TP63: variants seen among roughly 807,000 people sequenced by gnomAD.
TP63 encodes the protein tumor protein 63.
TP63 carries 17 observed loss-of-function variants against 82.8 expected under a neutral mutation model. The ratio of observed to expected loss-of-function variants is 0.21; its 90% CI spans 0.14 to 0.31. TP63 has a LOEUF of 0.31. TP63 is among the 10% of genes least tolerant of loss of function. The pLI, the probability that TP63 is intolerant of heterozygous loss-of-function variation, is 1.00. For missense variants in TP63, 648 were observed against 895.3 expected (o/e 0.72, Z 3.52); for synonymous variants, 330 against 321.7 (o/e 1.03, Z -0.28).
chr3:189,666,087 ATACT>A (rs1187619942), intron 1 of TP63, among the ~76,000 whole-genome samples: 1 of 152,064 alleles, frequency 6.6e-6, no homozygotes, highest in Non-Finnish European at 1.5e-5. Context: ...AGTTATTCAA[ATACT>A]TACTTAGGCC....
At chr3:189,647,420 C>A (rs191025557) in intron 1 of TP63, among the ~76,000 whole-genome samples, 1 of 147,002 alleles carries the variant, frequency 6.8e-6, no homozygotes, top group Admixed American at 6.7e-5. Context: ...TGACCAAAGT[C>A]ACTAAATATG....
rs563237872 is a variant in TP63 at position 189,655,047 on chromosome 3, G to A, written c.62+23470G>A. ...TCTTGATCATCGGTTAGAAAGAAAC[G>A]CCATAATTAATCTCTTTATGGACTC... On this transcript the variant is annotated intron_variant, in intron 1 of 13. Transcript: ENST00000264731. Among the ~76,000 whole-genome samples, 60 of 152,212 alleles carry A rather than the reference G, an allele frequency of 3.9e-4. 1 individual carries two copies. The highest frequency in any genetic ancestry group is 7.5e-4 in the African/African-American group (31 of 41,552).
chr3:189,603,783 A>G, the TP63 span, among the ~76,000 whole-genome samples: 1 of 151,924 alleles, frequency 6.6e-6, no homozygotes, highest in Admixed American at 6.6e-5. Flanking sequence ...TACTGTAAGA[A>G]AAGTATATAC....
chr3:189,686,817 G>A lies in TP63; in HGVS notation c.63-50923G>A, dbSNP rs1010899993. ...ACAATCTCAGCTCACTGCAACCTCT[G>A]CCACCCAGGTTCAAGCGATTCTCCT... On this transcript the variant is annotated intron_variant, in intron 1 of 13. Coordinates refer to ENST00000264731, the MANE Select transcript of TP63 (RefSeq NM_003722.5). 4.7e-5 allele frequency among the ~76,000 whole-genome samples: 7 copies of A among 149,080 alleles called. No homozygotes were observed. The Admixed American group carries it at 4.7e-4, about 10-fold the overall frequency.
At position 189,724,671 on chromosome 3, in the gene TP63, G is replaced by A. The variant is rs555006360; in HGVS notation, c.63-13069G>A. On this transcript the variant is annotated intron_variant, in intron 1 of 13. Coordinates refer to ENST00000264731, the MANE Select transcript of TP63 (RefSeq NM_003722.5). ...TGGAGCTGGGGCAATAACTAACAGA[G>A]ATGTTTTGCAAGAGTGGAAGACAAA... 2.0e-5 allele frequency among the ~76,000 whole-genome samples: 3 copies of A among 152,318 alleles called. No homozygotes were observed. The South Asian group carries it at 6.2e-4, about 32-fold the overall frequency.
the TP63 span, among the ~76,000 whole-genome samples, chr3:189,598,450 G>A: frequency 9.2e-5 from 14 of 152,160 alleles, no homozygotes; most frequent in Admixed American, 2.6e-4. Flanking sequence ...TTGAAAACAC[G>A]TAATAAAACA....
intron 1 of TP63, among the ~76,000 whole-genome samples, chr3:189,716,018 A>T (rs193166421): frequency 1.1e-4 from 17 of 152,272 alleles, no homozygotes; most frequent in African/African-American, 4.1e-4. Context: ...AAAACTATAT[A>T]CATCTCATTT....
chr3:189,833,342 T>C (rs1173093892), intron 4 of TP63, among the ~76,000 whole-genome samples: 2 of 152,228 alleles, frequency 1.3e-5, no homozygotes, highest in Non-Finnish European at 2.9e-5. Context: ...TAAAAGAACA[T>C]TATGCCTTTG....
intron 4 of TP63, among the ~76,000 whole-genome samples, chr3:189,810,903 T>A (rs1727487266): frequency 6.7e-6 from 1 of 150,288 alleles, no homozygotes; most frequent in South Asian, 2.1e-4. Flanking sequence ...TTTAGCATAA[T>A]CCTAAACCAT....
At chr3:189,767,680 A>C (rs1014732141) in intron 3 of TP63, among the ~76,000 whole-genome samples, 4 of 152,178 alleles carry the variant, frequency 2.6e-5, no homozygotes, top group Non-Finnish European at 5.9e-5. Context: ...CGTGAGTCTC[A>C]AGTTTTACCA....
chr3:189,690,368 C>T (rs1716822367), intron 1 of TP63, among the ~76,000 whole-genome samples: 1 of 152,122 alleles, frequency 6.6e-6, no homozygotes, highest in Non-Finnish European at 1.5e-5. Flanking sequence ...GTTTGGCACT[C>T]AGCCAGACAC....
intron 4 of TP63, among the ~76,000 whole-genome samples, chr3:189,850,029 G>C (rs2056124): frequency 0.79 from 120,631 of 152,148 alleles, 48,425 homozygotes; most frequent in African/African-American, 0.91. Context: ...CCTATAATCC[G>C]AGTACTTTGA....
In TP63 at chr3:189,764,566, T is replaced by C. The variant is rs141570599; in HGVS notation, c.324+25792T>C. On this transcript the variant is annotated intron_variant, in intron 3 of 13. Transcript: ENST00000264731. ...GACATAGGTTGGCTGACTGGGGTGC[T>C]CATCAGGAGTATATTGTCTGCAGTG... 6.0e-4 allele frequency among the ~76,000 whole-genome samples: 92 copies of C among 152,348 alleles called. 1 individual carries two copies. Among genetic ancestry groups the C allele is most frequent in the African/African-American group, 2.1e-3 (89 of 41,572 alleles).
intron 10 of TP63, among the ~76,000 whole-genome samples, chr3:189,884,196 A>G (rs1019343904): frequency 6.6e-6 from 1 of 152,178 alleles, no homozygotes. Context: ...CCTTGCCCCA[A>G]GCTTTCCTAT....
intron 1 of TP63, among the ~76,000 whole-genome samples, chr3:189,636,314 C>G (rs549383817): frequency 1.3e-5 from 2 of 152,208 alleles, no homozygotes; most frequent in South Asian, 4.1e-4. Flanking sequence ...GTAAACTCCA[C>G]CACTAAGTGA....
At position 189,895,056 on chromosome 3, in the gene TP63, T is replaced by C. The variant is rs1195270394; in HGVS notation, c.*554T>C. 1 of 220,494 alleles carries C rather than the reference T, an allele frequency of 4.5e-6. No homozygotes were observed. The highest frequency in any genetic ancestry group is 6.7e-5 in the East Asian group (1 of 14,888). The allele number at this position is 220,494 out of a possible 1,614,324, so 13.7% of individuals were successfully genotyped here. A position where few individuals can be genotyped will look rare whatever the true frequency, so the allele number is the denominator to read the frequency against. On this transcript the variant is annotated 3_prime_UTR_variant, in exon 14 of 14. Transcript: ENST00000264731. Reference sequence around the variant, plus strand: ...CATGTGAGTGACGATGATGTACAGATTCTTTCAGTTCTTTGGATTCTAAAT... The same window carrying C: ...CATGTGAGTGACGATGATGTACAGACTCTTTCAGTTCTTTGGATTCTAAAT...
chr3:189,692,610 AT>A (rs753864948), intron 1 of TP63, among the ~76,000 whole-genome samples: 2 of 152,156 alleles, frequency 1.3e-5, no homozygotes, highest in Non-Finnish European at 2.9e-5. Context: ...AACTATAAAA[AT>A]TATATATAAA....
At chr3:189,641,427 G>A (rs1350757967) in intron 1 of TP63, among the ~76,000 whole-genome samples, 4 of 152,028 alleles carry the variant, frequency 2.6e-5, no homozygotes, top group African/African-American at 9.7e-5. Context: ...ATTTCAATAA[G>A]TATTTATTAC....
intron 1 of TP63, among the ~76,000 whole-genome samples, chr3:189,637,023 C>T (rs1315172424): frequency 6.6e-6 from 1 of 152,094 alleles, no homozygotes; most frequent in Non-Finnish European, 1.5e-5. Context: ...AGGGCCAGAG[C>T]CTATCTCAGC....
Sources: gnomAD v4.1 joint callset for allele counts (sites outside exome capture counted in the v4.1 genomes callset) on GRCh38, gnomAD v4.1.1 for gene constraint, MANE v1.5 for transcripts, NCBI Gene and HGNC (gene_info 2026-07-23, HGNC 2026-07-21) for gene names.